The following ZFR2 variants were observed in gnomAD, a reference collection of about 807,000 sequenced individuals.
ZFR2 encodes the protein zinc finger RNA-binding protein 2.
In ZFR2, 104 loss-of-function variants were observed where a neutral mutation model predicts 105.7. The ratio of observed to expected loss-of-function variants is 0.98; its 90% CI spans 0.84 to 1.16. ZFR2 has a LOEUF of 1.16. Ranked by LOEUF, ZFR2 falls within the 50% of genes most tolerant of loss-of-function variation. The probability of loss-of-function intolerance (pLI) is 0.00; values close to 1 mark genes in which losing one functional copy is unlikely to be tolerated. For synonymous variants in ZFR2, 634 were observed against 597.7 expected, an observed-to-expected ratio of 1.06 and a Z score of -0.89; for missense variants, 1,425 against 1,355.5, an observed-to-expected ratio of 1.05 and a Z score of -0.80.
rs144542319 is a variant in ZFR2 at position 3,834,545 on chromosome 19, G to A, written c.264+228C>T. ...CCGTCACTGTCCCCACTGCCCCGAC[G>A]TGGAGGTACGCATGCGGCCTGTCCC... On this transcript the variant is annotated intron_variant, in intron 2 of 18. Transcript: ENST00000262961. This position sits in a 1 kb window ranked among gnomAD's most constrained non-coding sequence, Gnocchi z 5.3. 7.5e-3 allele frequency among the ~76,000 whole-genome samples: 1,145 copies of A among 152,312 alleles called. 13 individuals are homozygous for A. The highest frequency in any genetic ancestry group is 0.026 in the African/African-American group (1,099 of 41,570).
chr19:3,814,831 C>T (rs529755764), intron 13 of ZFR2, among the ~76,000 whole-genome samples: 11 of 152,248 alleles, frequency 7.2e-5, no homozygotes, highest in Middle Eastern at 3.4e-3. Flanking sequence ...CCTCCTGGTA[C>T]GGCCTTCAGG....
At chr19:3,845,310 T>A (rs1015567301) in intron 1 of ZFR2, among the ~76,000 whole-genome samples, 20 of 142,032 alleles carry the variant, frequency 1.4e-4, no homozygotes, top group African/African-American at 3.3e-4. Context: ...CTCTACAAAA[T>A]TTTTTTTTTA....
chr19:3,822,279 C>A (rs1040801794), intron 8 of ZFR2, 79 bp from the exon 9 acceptor site: 7 of 1,527,834 alleles, frequency 4.6e-6, no homozygotes, highest in Non-Finnish European at 6.2e-6. Context: ...CAGGTCGCGG[C>A]GGAGCCTTCC....
chr19:3,837,742 G>A (rs1450670186), intron 1 of ZFR2, among the ~76,000 whole-genome samples: 1 of 150,940 alleles, frequency 6.6e-6, no homozygotes, highest in Non-Finnish European at 1.5e-5. Context: ...CTGTGACTGT[G>A]GAACTTGATG....
At position 3,833,719 on chromosome 19, in the gene ZFR2, G is replaced by T. The variant is rs745546669; in HGVS notation, c.324C>A (p.Phe108Leu). Reference sequence around the variant, plus strand: ...GCCCAGACTGGAGGGCAGCAGACTGGAAGTACGGCCTGTCCTCATAGCTCC... The same window carrying T: ...GCCCAGACTGGAGGGCAGCAGACTGTAAGTACGGCCTGTCCTCATAGCTCC... ...AARSYEDRPYFQSAALQSGRM... is the reference protein window; with the variant it reads ...AARSYEDRPYLQSAALQSGRM... Residue 108 changes from phenylalanine (F) to leucine (L), a missense_variant, in exon 3 of 19, where the codon TTC becomes TTA. Transcript: ENST00000262961. The T allele has an allele frequency of 6.3e-7, 1 of 1,581,868 alleles. No individual in the cohort carries two copies. The highest frequency in any genetic ancestry group is 1.2e-5 in the South Asian group (1 of 86,436).
chr19:3,821,271 G>A, intron 10 of ZFR2, 69 bp downstream of exon 10: 2 of 1,435,220 alleles, frequency 1.4e-6, no homozygotes, highest in Non-Finnish European at 1.8e-6. Flanking sequence ...GCAGCAGTGG[G>A]CGTCTAGGTT....
chr19:3,860,106 C>T (rs2145193108), intron 1 of ZFR2, among the ~76,000 whole-genome samples: 1 of 152,168 alleles, frequency 6.6e-6, no homozygotes, highest in Admixed American at 6.5e-5. Context: ...TCATAGTTCA[C>T]TGTGGCCTCA....
chr19:3,825,206 G>A (rs753710346), intron 7 of ZFR2, 24 bp downstream of exon 7: 9 of 1,468,034 alleles, frequency 6.1e-6, no homozygotes, highest in Non-Finnish European at 1.8e-6. Flanking sequence ...GTGGGTACAC[G>A]AACACGCATA....
At chr19:3,855,885 G>A (rs2038293037) in intron 1 of ZFR2, among the ~76,000 whole-genome samples, 1 of 152,168 alleles carries the variant, frequency 6.6e-6, no homozygotes, top group Admixed American at 6.5e-5. Context: ...GTGGAACAGG[G>A]GGCAGAGGAC....
chr19:3,828,910 C>T (rs1226491769), intron 5 of ZFR2, among the ~76,000 whole-genome samples: 1 of 151,768 alleles, frequency 6.6e-6, no homozygotes, highest in Non-Finnish European at 1.5e-5. Flanking sequence ...AAAAATAGGA[C>T]GTGGGAGAGG....
intron 12 of ZFR2, 133 bp from the exon 13 acceptor site, chr19:3,816,978 T>G: frequency 1.2e-6 from 1 of 824,826 alleles, no homozygotes; most frequent in East Asian, 2.8e-5. Context: ...ATCCATGAAA[T>G]GGGACCAGGC....
rs747018219 is a variant in ZFR2 at position 3,825,226 on chromosome 19, G to A, written c.1213+4C>T. 2.2e-5 allele frequency: 34 copies of A among 1,525,632 alleles called. No homozygotes were observed. The highest frequency in any genetic ancestry group is 2.8e-5 in the Non-Finnish European group (32 of 1,144,682). 94.5% of individuals were successfully genotyped at this position (1,525,632 alleles called of 1,614,324 possible). ...TACACGAACACGCATACAGACACAC[G>A]TACCCTCGCATAAGGCCTTCGAGGC... On this transcript the variant is annotated splice_donor_region_variant and intron_variant, in intron 7 of 18. Coordinates refer to ENST00000262961, the MANE Select transcript of ZFR2 (RefSeq NM_015174.2).
Position 3,833,647 on chromosome 19 carries a change from C to T in ZFR2, c.379+17G>A. 6.5e-7 allele frequency: 1 copy of T among 1,543,172 alleles called. No homozygotes were observed. The highest frequency in any genetic ancestry group is 8.8e-7 in the Non-Finnish European group (1 of 1,142,520). ...AGCGTCTCCTCGTTCCCAGCCCCGA[C>T]CCTGCAGATGGCTCACCTGGCTGGC... is the stretch of plus-strand genomic sequence containing the variant. On this transcript the variant is annotated intron_variant, in intron 3 of 18. Coordinates refer to ENST00000262961, the MANE Select transcript of ZFR2 (RefSeq NM_015174.2).
At chr19:3,824,941 C>T (rs371474616) in intron 7 of ZFR2, among the ~76,000 whole-genome samples, 64 of 152,144 alleles carry the variant, frequency 4.2e-4, no homozygotes, top group African/African-American at 1.5e-3. Context: ...CATCTCAAAC[C>T]AAAACAAAAC....
At chr19:3,827,242 C>T (rs1207336596) in intron 6 of ZFR2, among the ~76,000 whole-genome samples, 1 of 152,096 alleles carries the variant, frequency 6.6e-6, no homozygotes, top group African/African-American at 2.4e-5. Context: ...ACTTTGTCCC[C>T]ATTAAAAAAA....
chr19:3,833,489 T>C (rs1033494837), intron 3 of ZFR2, 175 bp downstream of exon 3: 10 of 507,044 alleles, frequency 2.0e-5, no homozygotes, highest in Non-Finnish European at 3.2e-5. Flanking sequence ...GGCAGGAGAA[T>C]GGCTTTAACC....
At chr19:3,839,524 G>C (rs543161670) in intron 1 of ZFR2, among the ~76,000 whole-genome samples, 11 of 115,550 alleles carry the variant, frequency 9.5e-5, no homozygotes, top group Non-Finnish European at 1.7e-4. Flanking sequence ...GGGTGACAGA[G>C]CGGGATTCTG....
intron 1 of ZFR2, chr19:3,852,005 T>G: frequency 4.4e-6 from 1 of 225,430 alleles, no homozygotes; most frequent in Non-Finnish European, 9.0e-6. Flanking sequence ...CAACAATCAT[T>G]TATTTCACTT....
At chr19:3,842,971 G>A (rs918192016) in intron 1 of ZFR2, among the ~76,000 whole-genome samples, 2 of 152,116 alleles carry the variant, frequency 1.3e-5, no homozygotes, top group African/African-American at 4.8e-5. Context: ...CAGCAGAAGG[G>A]AAAATGTAAT....
Sources: allele counts gnomAD v4.1 joint callset (sites outside exome capture counted in the v4.1 genomes callset), GRCh38; gene constraint gnomAD v4.1.1; non-coding constraint Gnocchi (gnomAD v3.1); transcripts MANE v1.5; gene names NCBI Gene and HGNC (gene_info 2026-07-23, HGNC 2026-07-21).